The following EYS variants were observed in gnomAD, a reference collection of about 807,000 sequenced individuals.
EYS encodes EGF-like photoreceptor maintenance factor.
A neutral mutation model predicts 282.1 loss-of-function variants in EYS; 250 were observed. The observed-to-expected ratio is 0.89, with a 90% CI of 0.80 to 0.98. EYS has a LOEUF of 0.98. EYS is among the 50% of genes least tolerant of loss of function. EYS has a pLI of 0.00. For missense variants in EYS, 4,016 were observed against 3,709.0 expected (o/e 1.08, Z -2.15); for synonymous variants, 1,355 against 1,282.9 (o/e 1.06, Z -1.20).
At chr6:64,537,760 T>C (rs899873161) in intron 26 of EYS, among the ~76,000 whole-genome samples, 6 of 152,190 alleles carry the variant, frequency 3.9e-5, no homozygotes, top group Non-Finnish European at 7.4e-5. Context: ...CTTAACCCTC[T>C]TAAATGAAAC....
chr6:64,068,081 T>C (rs1362236521), intron 32 of EYS, among the ~76,000 whole-genome samples: 1 of 152,142 alleles, frequency 6.6e-6, no homozygotes, highest in Admixed American at 6.6e-5. Context: ...TTTTCCAAAA[T>C]AATTGTTTAT....
chr6:64,642,746 C>A (rs1252542704), intron 22 of EYS, among the ~76,000 whole-genome samples: 1 of 152,196 alleles, frequency 6.6e-6, no homozygotes, highest in African/African-American at 2.4e-5. Flanking sequence ...TGTATCTATT[C>A]TTTTCATTCT....
At chr6:64,651,036 G>A (rs1371840511) in intron 22 of EYS, among the ~76,000 whole-genome samples, 2 of 151,952 alleles carry the variant, frequency 1.3e-5, no homozygotes, top group African/African-American at 4.8e-5. Flanking sequence ...ATATTATATT[G>A]TTATCATGAA....
chr6:64,694,355 T>C (rs1770503212), intron 22 of EYS, among the ~76,000 whole-genome samples: 1 of 152,138 alleles, frequency 6.6e-6, no homozygotes, highest in African/African-American at 2.4e-5. Context: ...CAGCAGAAGA[T>C]TGAGAGTAAA....
At chr6:63,772,794 G>C (rs1464950554) in intron 40 of EYS, among the ~76,000 whole-genome samples, 1 of 151,942 alleles carries the variant, frequency 6.6e-6, no homozygotes, top group Non-Finnish European at 1.5e-5. Context: ...AGAAAGTCTA[G>C]CTTTTATCCT....
rs150781714 is a variant in EYS at position 64,908,070 on chromosome 6, C to T, written c.2641+4414G>A. ...ATGAGAAAGCAGTGCTATGTATCCA[C>T]AACTTGTCATCCCTTGTGCATATTT... is the stretch of plus-strand genomic sequence containing the variant. On this transcript the variant is annotated intron_variant, in intron 16 of 42. Transcript: ENST00000503581. 9.2e-3 allele frequency among the ~76,000 whole-genome samples: 1,404 copies of T among 152,284 alleles called. 36 individuals are homozygous for T. Among genetic ancestry groups the T allele is most frequent in the African/African-American group, 0.032 (1,337 of 41,558 alleles).
At chr6:64,115,001 G>T (rs929080267) in intron 31 of EYS, among the ~76,000 whole-genome samples, 2 of 152,138 alleles carry the variant, frequency 1.3e-5, no homozygotes, top group Non-Finnish European at 2.9e-5. Context: ...TGGAGCCACT[G>T]CCAAAATGAG....
At chr6:64,198,700 C>A (rs549444341) in intron 31 of EYS, among the ~76,000 whole-genome samples, 2 of 152,252 alleles carry the variant, frequency 1.3e-5, no homozygotes, top group Non-Finnish European at 2.9e-5. Flanking sequence ...TGTATATGTG[C>A]CAGATTTTCT....
At chr6:65,088,544 T>A (rs1474833662) in intron 12 of EYS, among the ~76,000 whole-genome samples, 1 of 152,154 alleles carries the variant, frequency 6.6e-6, no homozygotes, top group Non-Finnish European at 1.5e-5. Context: ...TGATCTAGGT[T>A]ATCTGGCAGA....
At chr6:63,890,337 C>T (rs1773375623) in intron 35 of EYS, among the ~76,000 whole-genome samples, 1 of 152,144 alleles carries the variant, frequency 6.6e-6, no homozygotes, top group African/African-American at 2.4e-5. Context: ...AAATTGACCA[C>T]ATAATTGGAA....
intron 12 of EYS, among the ~76,000 whole-genome samples, chr6:65,291,534 T>G (rs1037235381): frequency 6.6e-6 from 1 of 151,512 alleles, no homozygotes; most frequent in African/African-American, 2.4e-5. Context: ...TGTGTTATTT[T>G]AAAAAAAGGA....
chr6:63,887,854 G>A (rs951486476), intron 35 of EYS, among the ~76,000 whole-genome samples: 1 of 152,182 alleles, frequency 6.6e-6, no homozygotes, highest in Non-Finnish European at 1.5e-5. Flanking sequence ...GAGCCAAGTG[G>A]TCTTGCTCAG....
intron 12 of EYS, among the ~76,000 whole-genome samples, chr6:65,260,130 G>A (rs1410998422): frequency 1.3e-5 from 2 of 151,958 alleles, no homozygotes; most frequent in African/African-American, 4.8e-5. Flanking sequence ...TCTTCTCAAG[G>A]CAGCCAAAAG....
At chr6:64,579,335 CATG>C (rs1425595373) in intron 26 of EYS, among the ~76,000 whole-genome samples, 2 of 152,068 alleles carry the variant, frequency 1.3e-5, no homozygotes, top group African/African-American at 4.8e-5. Context: ...AGGAAAAATC[CATG>C]ATATCTGGAT....
chr6:65,265,256 A>G (rs1424995257), intron 12 of EYS, among the ~76,000 whole-genome samples: 1 of 152,220 alleles, frequency 6.6e-6, no homozygotes, highest in Middle Eastern at 3.4e-3. Context: ...AAAAGTTGGA[A>G]AAAGAAATCT....
At chr6:64,737,140 AT>A (rs1292064586) in intron 22 of EYS, among the ~76,000 whole-genome samples, 1 of 152,186 alleles carries the variant, frequency 6.6e-6, no homozygotes, top group Non-Finnish European at 1.5e-5. Flanking sequence ...GACCAATATC[AT>A]TTTTTGTGAT....
intron 1 of EYS, among the ~76,000 whole-genome samples, chr6:65,673,095 G>A (rs1372778262): frequency 6.6e-6 from 1 of 152,156 alleles, no homozygotes; most frequent in Non-Finnish European, 1.5e-5. Flanking sequence ...CTGTCTGGAT[G>A]TATACGTGCA....
In EYS at chr6:64,081,992, T is replaced by C. The variant is rs763818554; in HGVS notation, c.6435A>G (p.Leu2145=). Residue 2145 remains leucine (L), a synonymous_variant, in exon 32 of 43, where the codon TTA becomes TTG. Transcript: ENST00000503581. ...TGRFCEKDAG[L]FFPSFNGNSY... is the part of the protein sequence containing the mutation. The stretch of plus-strand genomic sequence containing the variant: ...AATTCCCATTGAAAGATGGAAAGAA[T>C]AAACCTGCATCTAAAAAAGAAAATG... 1.0e-5 allele frequency: 16 copies of C among 1,539,656 alleles called. 1 individual carries two copies. The South Asian group carries it at 1.8e-4, about 17-fold the overall frequency.
chr6:65,461,089 T>C (rs114609087), intron 5 of EYS, among the ~76,000 whole-genome samples: 1,986 of 152,222 alleles, frequency 0.013, 18 homozygotes, highest in Non-Finnish European at 0.023. Context: ...TCAATTGATG[T>C]GATTGATTGG....
Sources: gnomAD v4.1 joint callset for allele counts (sites outside exome capture counted in the v4.1 genomes callset) on GRCh38, gnomAD v4.1.1 for gene constraint, MANE v1.5 for transcripts, NCBI Gene and HGNC (gene_info 2026-07-23, HGNC 2026-07-21) for gene names.